The following ODAD2 variants were observed in gnomAD, a reference collection of about 807,000 sequenced individuals.
ODAD2 encodes the protein outer dynein arm docking complex subunit 2.
Under a neutral mutation model 106.8 loss-of-function variants are expected in ODAD2, and 89 were observed. The observed-to-expected ratio is 0.83, with a 90% CI of 0.70 to 0.99. ODAD2 has a LOEUF of 0.99. ODAD2 is among the 50% of genes least tolerant of loss of function. ODAD2 has a pLI of 0.00. For missense variants in ODAD2, 1,168 were observed against 1,238.5 expected, an observed-to-expected ratio of 0.94 and a Z score of 0.85; for synonymous variants, 404 against 436.2, an observed-to-expected ratio of 0.93 and a Z score of 0.92.
At chr10:27,930,899 T>C (rs1169629748) in intron 16 of ODAD2, among the ~76,000 whole-genome samples, 1 of 152,202 alleles carries the variant, frequency 6.6e-6, no homozygotes, top group Non-Finnish European at 1.5e-5. Flanking sequence ...ATAGTTTCTT[T>C]TTGTGTTACA....
chr10:27,984,080 TC>T lies in ODAD2; in HGVS notation c.683-102del, dbSNP rs1849725889. On this transcript the variant is annotated intron_variant, in intron 5 of 19. Transcript: ENST00000305242. ...TAAATATTGTGGAAATTTTAAGCTT[TC>T]CCCTTCTTAAACCTTCTCTTGTAAT... 2.0e-6 allele frequency: 3 copies of T among 1,517,130 alleles called. No homozygotes were observed. In the Admixed American group the frequency reaches 6.0e-5, roughly 31 times the overall value. 94.0% of individuals were successfully genotyped at this position (1,517,130 alleles called of 1,614,324 possible).
intron 2 of ODAD2, 145 bp downstream of exon 2, chr10:27,994,774 C>A (rs1207185976): frequency 1.2e-6 from 1 of 811,150 alleles, no homozygotes. Flanking sequence ...TCAGACTTCA[C>A]CTGTGTGTCT....
At chr10:27,915,582 A>C (rs904845947) in intron 16 of ODAD2, among the ~76,000 whole-genome samples, 6 of 152,158 alleles carry the variant, frequency 3.9e-5, no homozygotes, top group Non-Finnish European at 8.8e-5. Flanking sequence ...TATATATAGC[A>C]CAGTAGGTAT....
chr10:27,874,829 TG>T, intron 17 of ODAD2, among the ~76,000 whole-genome samples: 1 of 152,282 alleles, frequency 6.6e-6, no homozygotes, highest in East Asian at 1.9e-4. Flanking sequence ...GACAATTATG[TG>T]TCTTGGAGTT....
intron 16 of ODAD2, among the ~76,000 whole-genome samples, chr10:27,920,153 G>A (rs1039170873): frequency 6.6e-6 from 1 of 151,946 alleles, no homozygotes; most frequent in Non-Finnish European, 1.5e-5. Flanking sequence ...CTGTGAGGAC[G>A]GGCAGCCGGG....
In ODAD2 at chr10:27,859,826, T is replaced by C. The variant is rs932036479; in HGVS notation, c.3021+799A>G. On this transcript the variant is annotated intron_variant, in intron 19 of 19. Transcript: ENST00000305242. ...TTACAGAAACTTTCCTGTCTACTGA[T>C]GCACAGATTTAAACAAACAAACAAA... Among the ~76,000 whole-genome samples the C allele has an allele frequency of 3.4e-4, 51 of 152,210 alleles. 2 individuals carry two copies. Among genetic ancestry groups the C allele is most frequent in the Admixed American group, 2.0e-4 (3 of 15,268 alleles).
intron 17 of ODAD2, among the ~76,000 whole-genome samples, chr10:27,890,505 C>T (rs1256327142): frequency 6.6e-6 from 1 of 152,122 alleles, no homozygotes; most frequent in African/African-American, 2.4e-5. Flanking sequence ...ATAGGCAATG[C>T]TTTTCGTTGT....
At chr10:27,819,801 A>G (rs1449666169) in intron 19 of ODAD2, among the ~76,000 whole-genome samples, 1 of 150,460 alleles carries the variant, frequency 6.6e-6, no homozygotes, top group Non-Finnish European at 1.5e-5. Flanking sequence ...TGATCAGCAC[A>G]ATGCATCTAG....
In ODAD2 at chr10:27,819,630, C is replaced by T. The variant is rs538956905; in HGVS notation, c.3022-7005G>A. ...AACCAGACATAGGTGTGGTCACGTG[C>T]GCCTGTAGTCTAGGTAGCTGGGTGG... On this transcript the variant is annotated intron_variant, in intron 19 of 19. Transcript: ENST00000305242. 6.9e-5 allele frequency among the ~76,000 whole-genome samples: 10 copies of T among 145,256 alleles called. No homozygotes were observed. The South Asian group carries it at 1.1e-3, about 16-fold the overall frequency.
At chr10:27,867,898 G>A (rs1442759092) in intron 17 of ODAD2, among the ~76,000 whole-genome samples, 2 of 151,534 alleles carry the variant, frequency 1.3e-5, no homozygotes, top group Non-Finnish European at 2.9e-5. Context: ...ACAGTGAGCT[G>A]AGATCACTCC....
intron 8 of ODAD2, among the ~76,000 whole-genome samples, chr10:27,969,485 A>G (rs1395431770): frequency 1.3e-5 from 2 of 152,306 alleles, no homozygotes; most frequent in African/African-American, 4.8e-5. Flanking sequence ...ATATGGAAAA[A>G]GCAGTATTTT....
chr10:27,991,415 A>G (rs540015576), intron 2 of ODAD2, among the ~76,000 whole-genome samples: 24 of 152,358 alleles, frequency 1.6e-4, no homozygotes, highest in African/African-American at 3.8e-4. Flanking sequence ...GACAGAAGGC[A>G]GTTGATGAAA....
intron 17 of ODAD2, among the ~76,000 whole-genome samples, chr10:27,868,579 G>A (rs574837839): frequency 1.6e-4 from 24 of 152,198 alleles, no homozygotes; most frequent in African/African-American, 5.5e-4. Flanking sequence ...ACTAACACAC[G>A]AACAGAAAAC....
At chr10:27,997,775 G>C (rs1850640420) in intron 1 of ODAD2, among the ~76,000 whole-genome samples, 1 of 152,160 alleles carries the variant, frequency 6.6e-6, no homozygotes. Context: ...TCAAAACTAA[G>C]ATTTTAAAAT....
chr10:27,845,263 T>C (rs1489405121), intron 19 of ODAD2, among the ~76,000 whole-genome samples: 1 of 152,204 alleles, frequency 6.6e-6, no homozygotes, highest in African/African-American at 2.4e-5. Flanking sequence ...TGGGGGCTGA[T>C]ATTCAACATT....
chr10:27,905,804 G>T (rs1187768065), intron 17 of ODAD2, among the ~76,000 whole-genome samples: 1 of 152,164 alleles, frequency 6.6e-6, no homozygotes, highest in Non-Finnish European at 1.5e-5. Context: ...TGGGAAAACT[G>T]GCTAGCTATA....
At position 27,994,864 on chromosome 10, in the gene ODAD2, G is replaced by A. The variant is rs1850456921; in HGVS notation, c.224+55C>T. ...CTTGCCCCCAAACCTAGAACCAATT[G>A]ATAATACTATGTACAACGAAGATAT... On this transcript the variant is annotated intron_variant, in intron 2 of 19. Transcript: ENST00000305242. The A allele has an allele frequency of 2.5e-6, 4 of 1,581,032 alleles. No individual in the cohort carries two copies. The South Asian group carries it at 4.7e-5, about 18-fold the overall frequency.
At chr10:27,965,022 G>A (rs1892115) in intron 9 of ODAD2, among the ~76,000 whole-genome samples, 86 of 152,198 alleles carry the variant, frequency 5.7e-4, no homozygotes, top group Non-Finnish European at 1.1e-3. Context: ...ATGGACAGGA[G>A]GCAACAGTCA....
chr10:27,828,952 G>C (rs1589766986), intron 19 of ODAD2, among the ~76,000 whole-genome samples: 4 of 152,188 alleles, frequency 2.6e-5, no homozygotes, highest in Middle Eastern at 3.4e-3. Flanking sequence ...GCCTTTATAT[G>C]TATCTGTCTT....
Sources: allele counts gnomAD v4.1 joint callset (sites outside exome capture counted in the v4.1 genomes callset), GRCh38; gene constraint gnomAD v4.1.1; transcripts MANE v1.5; gene names NCBI Gene and HGNC (gene_info 2026-07-23, HGNC 2026-07-21).